Variants in KIF11 observed in about 807,000 individuals in gnomAD.
KIF11 encodes the protein kinesin-like protein KIF11.
Under a neutral mutation model 121.0 loss-of-function variants are expected in KIF11, and 9 were observed. The observed-to-expected ratio is 0.07, with a 90% CI of 0.04 to 0.13. The LOEUF (loss-of-function observed/expected upper bound fraction) is 0.13, where lower values mean the gene tolerates loss of function less well. Ranked by LOEUF, KIF11 falls within the 10% of genes least tolerant of loss-of-function variation. The pLI, the probability that KIF11 is intolerant of heterozygous loss-of-function variation, is 1.00. For synonymous variants in KIF11, 408 were observed against 421.0 expected (o/e 0.97, Z 0.38); for missense variants, 846 against 1,217.5 (o/e 0.69, Z 4.54).
chr10:92,653,253 A>G (rs985392617), intron 21 of KIF11, among the ~76,000 whole-genome samples: 9 of 152,034 alleles, frequency 5.9e-5, no homozygotes, highest in Non-Finnish European at 1.2e-4. Flanking sequence ...GGACTGTACT[A>G]TGTTGGTACA....
chr10:92,649,293 G>T (rs1471172815), intron 19 of KIF11, among the ~76,000 whole-genome samples: 1 of 152,084 alleles, frequency 6.6e-6, no homozygotes, highest in East Asian at 1.9e-4. Flanking sequence ...GAGAGCATGA[G>T]CTTATTACAG....
At chr10:92,616,612 T>C in intron 8 of KIF11, 125 bp from the exon 9 acceptor site, 1 of 518,862 alleles carries the variant, frequency 1.9e-6, no homozygotes, top group Non-Finnish European at 3.3e-6. Flanking sequence ...TCTTAATGAC[T>C]AGATTTTAAA....
intron 10 of KIF11, among the ~76,000 whole-genome samples, chr10:92,626,657 C>A (rs751061359): frequency 3.9e-5 from 6 of 152,182 alleles, no homozygotes; most frequent in African/African-American, 7.2e-5. Flanking sequence ...ATCATCTCAT[C>A]CATACAGTAA....
rs747667081 is a variant in KIF11, at chr10:92,650,450, T to C, written c.2972T>C (p.Leu991Pro). Residue 991 changes from leucine (L) to proline (P), a missense_variant, in exon 21 of 22, where the codon CTA (leucine) becomes CCA (proline). This residue lies in a region of KIF11 where 492 missense variants were observed against 603.4 expected (regional missense o/e 0.82). Transcript: ENST00000260731. ...CTGGGGCAGTATACTGAAGAACCTC[T>C]AAGTCAAGAGCCATCTGTAGATGCT... Reference protein sequence around the residue: ...AVLGQYTEEPLSQEPSVDAGV... With the variant: ...AVLGQYTEEPPSQEPSVDAGV... 1 of 1,613,834 alleles carries C rather than the reference T, an allele frequency of 6.2e-7. No individual in the cohort carries two copies. Among genetic ancestry groups the C allele is most frequent in the South Asian group, 1.1e-5 (1 of 91,068 alleles).
intron 1 of KIF11, among the ~76,000 whole-genome samples, chr10:92,605,162 T>C (rs1358793470): frequency 1.3e-5 from 2 of 152,290 alleles, no homozygotes; most frequent in Non-Finnish European, 2.9e-5. Context: ...AATAATCATT[T>C]CAACTAAATA....
intron 17 of KIF11, 129 bp from the exon 18 acceptor site, chr10:92,645,234 G>C (rs1844906388): frequency 1.6e-6 from 1 of 633,638 alleles, no homozygotes; most frequent in Admixed American, 3.1e-5. Flanking sequence ...GATTTACTAA[G>C]ATCACGGGCC....
Position 92,593,279 on chromosome 10 carries a change from A to AC in KIF11, c.-95dup. 1 of 1,283,824 alleles carries AC rather than the reference A, an allele frequency of 7.8e-7. No individual in the cohort carries two copies. Among genetic ancestry groups the AC allele is most frequent in the African/African-American group, 1.5e-5 (1 of 67,726 alleles). 79.5% of individuals were successfully genotyped at this position (1,283,824 alleles called of 1,614,324 possible). A position where few individuals can be genotyped will look rare whatever the true frequency, so the allele number is the denominator to read the frequency against. ...CAGGCCACGCCAGCGCCCGAGAGGG[A>AC]CCAGGGAGACTCCGGCCCCTGTCGG... On this transcript the variant is annotated 5_prime_UTR_variant, in exon 1 of 22. Coordinates refer to ENST00000260731, the MANE Select transcript of KIF11 (RefSeq NM_004523.4).
chr10:92,627,530 T>C (rs1030491344), intron 10 of KIF11, among the ~76,000 whole-genome samples: 2 of 152,340 alleles, frequency 1.3e-5, no homozygotes, highest in Non-Finnish European at 2.9e-5. Context: ...ATAGATCTAT[T>C]CCTTATCTCA....
chr10:92,606,583 GA>G (rs1844432874), intron 2 of KIF11, 35 bp from the exon 3 acceptor site: 2 of 1,283,322 alleles, frequency 1.6e-6, no homozygotes, highest in Non-Finnish European at 2.2e-6. Flanking sequence ...GAGTAATTTT[GA>G]GGTTGATTTT....
intron 1 of KIF11, among the ~76,000 whole-genome samples, chr10:92,606,024 C>A (rs1844427499): frequency 6.6e-6 from 1 of 152,158 alleles, no homozygotes; most frequent in South Asian, 2.1e-4. Context: ...CTCTAAGAAG[C>A]TGCCAGAATT....
intron 13 of KIF11, 94 bp downstream of exon 13, chr10:92,632,787 C>A: frequency 1.5e-6 from 1 of 675,906 alleles, no homozygotes. Context: ...GACGGTGTCA[C>A]CAATACTCTC....
chr10:92,648,157 TA>T, intron 18 of KIF11, 54 bp from the exon 19 acceptor site: 1 of 1,204,950 alleles, frequency 8.3e-7, no homozygotes, highest in Non-Finnish European at 1.2e-6. Flanking sequence ...TGATGTTGAA[TA>T]AAACACTGGC....
chr10:92,616,571 C>A lies in KIF11; in HGVS notation c.1033-166C>A, dbSNP rs12252836. 0.087 allele frequency among the ~76,000 whole-genome samples: 13,270 copies of A among 152,126 alleles called. 665 individuals are homozygous for A. The highest frequency in any genetic ancestry group is 0.11 in the Middle Eastern group (33 of 294). ...GAAGAGAAGGGAAAAAAGGATTGAA[C>A]AACTTCCTTTTTAAAGGTTGGGCAT... On this transcript the variant is annotated intron_variant, in intron 8 of 21. Transcript: ENST00000260731.
intron 1 of KIF11, among the ~76,000 whole-genome samples, chr10:92,600,943 C>T (rs993702539): frequency 3.3e-5 from 5 of 151,838 alleles, no homozygotes; most frequent in African/African-American, 1.2e-4. Context: ...TTACTGTTAC[C>T]TCTGCCTCCT....
chr10:92,648,168 C>T, intron 18 of KIF11, 44 bp from the exon 19 acceptor site: 1 of 1,313,764 alleles, frequency 7.6e-7, no homozygotes, highest in Non-Finnish European at 1.1e-6. Context: ...AAAACACTGG[C>T]AACTTTAATT....
In KIF11 at chr10:92,618,029, C is replaced by T. The variant is rs1564708158; in HGVS notation, c.1128+1197C>T. ...CTGGGATCACAGGCGTGAGCCAATA[C>T]GCCTGGCCCCAATATGGTTTTAATT... On this transcript the variant is annotated intron_variant, in intron 9 of 21. Transcript: ENST00000260731. Among the ~76,000 whole-genome samples, 3 of 152,238 alleles carry T rather than the reference C, an allele frequency of 2.0e-5. 1 individual carries two copies. The East Asian group carries it at 5.8e-4, about 29-fold the overall frequency.
chr10:92,630,048 TTGTGTTA>T (rs1844719849), intron 11 of KIF11, 121 bp from the exon 12 acceptor site: 1 of 560,952 alleles, frequency 1.8e-6, no homozygotes, highest in African/African-American at 1.9e-5. Context: ...GATGACATAT[TTGTGTTA>T]ACCTACCGGG....
At chr10:92,608,106 A>AT (rs1265706435) in intron 4 of KIF11, among the ~76,000 whole-genome samples, 36 of 149,976 alleles carry the variant, frequency 2.4e-4, no homozygotes, top group East Asian at 1.9e-3. Flanking sequence ...AAACTAGTTA[A>AT]TTTAAAAAAA....
intron 1 of KIF11, 96 bp downstream of exon 1, chr10:92,593,548 G>C: frequency 3.9e-6 from 4 of 1,036,294 alleles, no homozygotes; most frequent in South Asian, 3.1e-5. Flanking sequence ...TGCATTTCCT[G>C]AGGGTCCCAG....
Sources: allele counts gnomAD v4.1 joint callset (sites outside exome capture counted in the v4.1 genomes callset), GRCh38; gene constraint gnomAD v4.1.1; regional missense constraint gnomAD v4.1.1; transcripts MANE v1.5; gene names NCBI Gene and HGNC (gene_info 2026-07-23, HGNC 2026-07-21).